Variants in LRRIQ1 observed in about 807,000 individuals in gnomAD.
LRRIQ1 encodes leucine rich repeats and IQ motif containing 1.
A neutral mutation model predicts 211.9 loss-of-function variants in LRRIQ1; 210 were observed. That is an observed-to-expected ratio of 0.99 (90% CI 0.89 to 1.11). The LOEUF is 1.11. LRRIQ1 is among the 50% of genes most tolerant of loss of function. LRRIQ1 has a pLI of 0.00. For missense variants in LRRIQ1, 2,136 were observed against 1,939.5 expected (o/e 1.10, Z -1.90); for synonymous variants, 699 against 650.1 (o/e 1.08, Z -1.14).
intron 24 of LRRIQ1, among the ~76,000 whole-genome samples, chr12:85,228,551 C>A (rs896501915): frequency 6.6e-6 from 1 of 152,156 alleles, no homozygotes; most frequent in Admixed American, 6.5e-5. Flanking sequence ...TTTCCAGAGA[C>A]CTGGCTTCAA....
At position 85,056,930 on chromosome 12, in the gene LRRIQ1, G is replaced by GA. The variant is rs774258383; in HGVS notation, c.2142dup (p.Cys715MetfsTer3). ...TAAATCTGAGATTAGAAATATTTCA[G>GA]AAAAATGCCATGAAAATGCACCTGA... On this transcript the variant is annotated frameshift_variant, in exon 8 of 27. Transcript: ENST00000393217. LOFTEE classifies it high-confidence loss of function. The GA allele has an allele frequency of 6.2e-6, 10 of 1,612,728 alleles. No homozygotes were observed. The highest frequency in any genetic ancestry group is 8.5e-6 in the Non-Finnish European group (10 of 1,179,344).
At position 85,055,607 on chromosome 12, in the gene LRRIQ1, C is replaced by A; in HGVS notation, c.814C>A (p.Gln272Lys). 1 of 1,567,498 alleles carries A rather than the reference C, an allele frequency of 6.4e-7. No homozygotes were observed. Among genetic ancestry groups the A allele is most frequent in the Non-Finnish European group, 8.6e-7 (1 of 1,165,296 alleles). Residue 272 changes from glutamine (Q) to lysine (K), a missense_variant, in exon 8 of 27, where the codon CAA becomes AAA. Transcript: ENST00000393217. ...AGAAAGAACAAGATTTAAAGACCAACAAGAAAAAGAAAAAAATTCTTTGTT... is the reference window on the plus strand; with the variant it reads ...AGAAAGAACAAGATTTAAAGACCAAAAAGAAAAAGAAAAAAATTCTTTGTT... The part of the protein sequence containing the change: ...EEERTRFKDQ[Q>K]EKEKNSLLKQ...
At chr12:85,269,505 A>G in the LRRIQ1 span, among the ~76,000 whole-genome samples, 1 of 152,030 alleles carries the variant, frequency 6.6e-6, no homozygotes, top group Non-Finnish European at 1.5e-5. Flanking sequence ...AGGTATTGGC[A>G]TTTCATTCTG....
At chr12:85,194,557 C>T (rs1346620273) in intron 24 of LRRIQ1, among the ~76,000 whole-genome samples, 3 of 150,478 alleles carry the variant, frequency 2.0e-5, no homozygotes, top group African/African-American at 7.3e-5. Flanking sequence ...ACTGAACAAC[C>T]TGCTCCTGAA....
chr12:85,155,968 C>G (rs1310570328), intron 23 of LRRIQ1, among the ~76,000 whole-genome samples: 1 of 151,558 alleles, frequency 6.6e-6, no homozygotes. Flanking sequence ...AAAATTAAAC[C>G]TCTTTTATCA....
At chr12:85,231,652 A>G (rs1484889220) in intron 25 of LRRIQ1, among the ~76,000 whole-genome samples, 3 of 152,202 alleles carry the variant, frequency 2.0e-5, no homozygotes, top group African/African-American at 7.2e-5. Context: ...GGAAATAGAC[A>G]CACATGAAGG....
intron 11 of LRRIQ1, among the ~76,000 whole-genome samples, chr12:85,089,138 T>A (rs1421433349): frequency 6.6e-6 from 1 of 152,088 alleles, no homozygotes; most frequent in Non-Finnish European, 1.5e-5. Context: ...TTATTGAGAG[T>A]TTTTAGCATG....
chr12:85,062,105 A>G (rs568147743), intron 8 of LRRIQ1, among the ~76,000 whole-genome samples: 20 of 151,932 alleles, frequency 1.3e-4, no homozygotes, highest in African/African-American at 4.6e-4. Context: ...GTACTTTTTC[A>G]GTGTTTTTTG....
chr12:85,197,771 A>C (rs1893009434), intron 24 of LRRIQ1, among the ~76,000 whole-genome samples: 1 of 150,352 alleles, frequency 6.7e-6, no homozygotes, highest in South Asian at 2.1e-4. Flanking sequence ...TGGCACATGT[A>C]TACATATGTA....
intron 8 of LRRIQ1, among the ~76,000 whole-genome samples, chr12:85,062,248 A>G (rs1246038733): frequency 6.6e-6 from 1 of 151,850 alleles, no homozygotes; most frequent in African/African-American, 2.4e-5. Context: ...GCTTTGTTAT[A>G]AAGGTATATT....
intron 11 of LRRIQ1, among the ~76,000 whole-genome samples, chr12:85,077,965 G>A (rs1036254068): frequency 7.4e-5 from 11 of 148,456 alleles, no homozygotes; most frequent in Admixed American, 1.4e-4. Flanking sequence ...TCCAACCTGG[G>A]CACCAGAACG....
chr12:85,092,648 T>C (rs181825485), intron 11 of LRRIQ1, among the ~76,000 whole-genome samples: 21 of 152,198 alleles, frequency 1.4e-4, no homozygotes, highest in African/African-American at 4.3e-4. Context: ...ATATTTGGCA[T>C]CTGGCTATAC....
At chr12:85,191,690 GA>G (rs1237518512) in intron 24 of LRRIQ1, among the ~76,000 whole-genome samples, 1 of 151,952 alleles carries the variant, frequency 6.6e-6, no homozygotes, top group Non-Finnish European at 1.5e-5. Flanking sequence ...AGTGACTGCT[GA>G]ATTGTATGGC....
chr12:85,124,635 A>G (rs942563271), intron 17 of LRRIQ1, 116 bp downstream of exon 17: 219 of 784,212 alleles, frequency 2.8e-4, no homozygotes, highest in Non-Finnish European at 4.3e-4. Flanking sequence ...ATCATATTTC[A>G]TACCGATTCC....
intron 2 of LRRIQ1, among the ~76,000 whole-genome samples, chr12:85,039,290 TGTAA>T (rs1360197300): frequency 1.3e-5 from 2 of 151,378 alleles, no homozygotes; most frequent in Admixed American, 6.6e-5. Context: ...TTAGAATCAG[TGTAA>T]GTATTATTAC....
At chr12:85,076,984 G>C (rs1257591002) in intron 11 of LRRIQ1, among the ~76,000 whole-genome samples, 1 of 152,070 alleles carries the variant, frequency 6.6e-6, no homozygotes, top group Non-Finnish European at 1.5e-5. Flanking sequence ...CCTGATTCCT[G>C]TTTCAGTATT....
chr12:85,150,523 T>C (rs1437007598), intron 19 of LRRIQ1, among the ~76,000 whole-genome samples: 1 of 151,788 alleles, frequency 6.6e-6, no homozygotes, highest in Non-Finnish European at 1.5e-5. Flanking sequence ...ACTGAGTTAC[T>C]AGCCTGATTT....
chr12:85,106,838 T>C (rs1886820574), intron 15 of LRRIQ1, among the ~76,000 whole-genome samples: 1 of 152,176 alleles, frequency 6.6e-6, no homozygotes, highest in Non-Finnish European at 1.5e-5. Flanking sequence ...GAAATTAAAA[T>C]TGTAATGTAA....
intron 24 of LRRIQ1, among the ~76,000 whole-genome samples, chr12:85,181,882 G>A (rs1270269603): frequency 6.6e-6 from 1 of 151,722 alleles, no homozygotes; most frequent in Non-Finnish European, 1.5e-5. Context: ...ATCAGGTTTT[G>A]TATTGAAACC....
Sources: allele counts gnomAD v4.1 joint callset (sites outside exome capture counted in the v4.1 genomes callset), GRCh38; gene constraint gnomAD v4.1.1; transcripts MANE v1.5; gene names NCBI Gene and HGNC (gene_info 2026-07-23, HGNC 2026-07-21).